GALNTL6: variants seen among roughly 807,000 people sequenced by gnomAD.
GALNTL6 encodes the protein polypeptide N-acetylgalactosaminyltransferase-like 6.
A neutral mutation model predicts 73.7 loss-of-function variants in GALNTL6; 46 were observed. That is an observed-to-expected ratio of 0.62 (90% confidence interval 0.49 to 0.80). GALNTL6 has a LOEUF of 0.80. GALNTL6 is among the 30% of genes least tolerant of loss of function. The pLI is 0.00. For synonymous variants in GALNTL6, 259 were observed against 263.7 expected (o/e 0.98, Z 0.17); for missense variants, 604 against 755.0 (o/e 0.80, Z 2.34).
chr4:172,647,387 T>C (rs1037019796), intron 5 of GALNTL6, among the ~76,000 whole-genome samples: 12 of 152,058 alleles, frequency 7.9e-5, no homozygotes, highest in African/African-American at 2.7e-4. Context: ...AAAGCAAAGA[T>C]CACTAAAATT....
chr4:172,917,458 G>T (rs192178646), intron 8 of GALNTL6, among the ~76,000 whole-genome samples: 5 of 152,110 alleles, frequency 3.3e-5, no homozygotes, highest in Admixed American at 2.0e-4. Flanking sequence ...AAAGTGAACA[G>T]GCAACATACA....
At chr4:171,886,400 CAGACA>C (rs1364552186) in intron 2 of GALNTL6, among the ~76,000 whole-genome samples, 1 of 152,058 alleles carries the variant, frequency 6.6e-6, no homozygotes. Flanking sequence ...AAACTTACTA[CAGACA>C]AAAGACTGAG....
chr4:172,277,720 T>C (rs1579325472), intron 3 of GALNTL6, among the ~76,000 whole-genome samples: 1 of 152,334 alleles, frequency 6.6e-6, no homozygotes, highest in East Asian at 1.9e-4. Flanking sequence ...ATATTTGGTT[T>C]GTTTCTTTGG....
intron 7 of GALNTL6, among the ~76,000 whole-genome samples, chr4:172,871,579 C>G (rs1305592255): frequency 7.1e-6 from 1 of 141,500 alleles, no homozygotes; most frequent in African/African-American, 2.6e-5. Flanking sequence ...GATCTATAGT[C>G]TCTGACTCTG....
intron 5 of GALNTL6, among the ~76,000 whole-genome samples, chr4:172,424,466 G>T (rs1731157742): frequency 6.6e-6 from 1 of 152,002 alleles, no homozygotes; most frequent in Non-Finnish European, 1.5e-5. Flanking sequence ...ATCATTAGAG[G>T]AAGTGTTTTA....
At chr4:172,157,941 T>G (rs1734335020) in intron 2 of GALNTL6, among the ~76,000 whole-genome samples, 1 of 152,198 alleles carries the variant, frequency 6.6e-6, no homozygotes, top group Non-Finnish European at 1.5e-5. Flanking sequence ...AGCATGATGT[T>G]TTGCTAGTAA....
intron 7 of GALNTL6, among the ~76,000 whole-genome samples, chr4:172,848,008 A>C (rs1419956030): frequency 2.0e-5 from 3 of 152,186 alleles, no homozygotes; most frequent in Non-Finnish European, 4.4e-5. Flanking sequence ...TACATCTAGA[A>C]GCTTTAATCA....
At chr4:172,024,857 T>C (rs12645373) in intron 2 of GALNTL6, among the ~76,000 whole-genome samples, 66,614 of 145,376 alleles carry the variant, frequency 0.46, 15,415 homozygotes, top group South Asian at 0.55. Flanking sequence ...TATTCCCTGC[T>C]TTCTTCCTTC....
At chr4:172,953,511 G>T (rs1421390044) in intron 10 of GALNTL6, among the ~76,000 whole-genome samples, 2 of 152,230 alleles carry the variant, frequency 1.3e-5, no homozygotes, top group East Asian at 1.9e-4. Context: ...CCTAGATAGT[G>T]TCTGTGGCTG....
intron 2 of GALNTL6, among the ~76,000 whole-genome samples, chr4:172,225,844 T>C (rs957712989): frequency 6.6e-6 from 1 of 151,994 alleles, no homozygotes; most frequent in Non-Finnish European, 1.5e-5. Context: ...ATGCTGCTGG[T>C]CTATGGGTAG....
At chr4:172,007,862 C>T (rs1740884649) in intron 2 of GALNTL6, among the ~76,000 whole-genome samples, 1 of 152,012 alleles carries the variant, frequency 6.6e-6, no homozygotes, top group Admixed American at 6.6e-5. Context: ...GAGATAGCAG[C>T]TTTTTAATAA....
intron 2 of GALNTL6, among the ~76,000 whole-genome samples, chr4:172,115,717 G>C (rs1197390617): frequency 6.6e-6 from 1 of 151,980 alleles, no homozygotes; most frequent in East Asian, 1.9e-4. Context: ...TGGCAGAAAA[G>C]ACAAATGGAT....
At chr4:172,075,247 ATAT>A (rs1343746923) in intron 2 of GALNTL6, among the ~76,000 whole-genome samples, 3 of 152,062 alleles carry the variant, frequency 2.0e-5, no homozygotes, top group Non-Finnish European at 4.4e-5. Context: ...TCCTTTTTAA[ATAT>A]TATAGGATTT....
At chr4:171,899,125 A>G (rs535546199) in intron 2 of GALNTL6, among the ~76,000 whole-genome samples, 50 of 44,078 alleles carry the variant, frequency 1.1e-3, no homozygotes, top group African/African-American at 6.0e-3. Context: ...TAATATCTAT[A>G]CAAATTAATT....
At chr4:172,840,430 C>A (rs982262045) in intron 7 of GALNTL6, among the ~76,000 whole-genome samples, 3 of 152,122 alleles carry the variant, frequency 2.0e-5, no homozygotes, top group African/African-American at 7.2e-5. Flanking sequence ...AACAGCAGTT[C>A]TCATATTAGG....
At chr4:172,953,705 CAA>C (rs778606431) in intron 10 of GALNTL6, among the ~76,000 whole-genome samples, 2 of 152,214 alleles carry the variant, frequency 1.3e-5, no homozygotes, top group Non-Finnish European at 2.9e-5. Flanking sequence ...AGGAAAGAGT[CAA>C]TCCTGCCACT....
In GALNTL6 at chr4:172,809,476, C is replaced by T. The variant is rs1741165186; in HGVS notation, c.669C>T (p.Ala223=). ...CCCGTCTCCTGGGGGCATCTATGGCCAGAGGAGAAGTCCTGACATTCCTGG... is the reference window on the plus strand; with the variant it reads ...CCCGTCTCCTGGGGGCATCTATGGCTAGAGGAGAAGTCCTGACATTCCTGG... ...IRTRLLGASM[A]RGEVLTFLDS... The change falls in exon 6 of 13, where the codon GCC becomes GCT. Residue 223 remains alanine, a synonymous_variant. Transcript: ENST00000506823. The surrounding 1 kb of genome is among the most constrained non-coding windows in gnomAD (Gnocchi z 4.4). 1.2e-6 allele frequency: 2 copies of T among 1,613,800 alleles called. No homozygotes were observed. Among genetic ancestry groups the T allele is most frequent in the African/African-American group, 1.3e-5 (1 of 74,998 alleles).
At chr4:172,308,622 G>A (rs1740243284) in intron 3 of GALNTL6, among the ~76,000 whole-genome samples, 3 of 151,984 alleles carry the variant, frequency 2.0e-5, no homozygotes, top group Admixed American at 1.3e-4. Context: ...TGTGTATGTG[G>A]TGTATCACAT....
chr4:172,841,817 A>G (rs1173395547), intron 7 of GALNTL6, among the ~76,000 whole-genome samples: 1 of 152,202 alleles, frequency 6.6e-6, no homozygotes, highest in Non-Finnish European at 1.5e-5. Flanking sequence ...ACAAAGCCTG[A>G]TCGTATCAAC....
Sources: gnomAD v4.1 joint callset for allele counts (sites outside exome capture counted in the v4.1 genomes callset) on GRCh38, gnomAD v4.1.1 for gene constraint, Gnocchi (gnomAD v3.1) non-coding constraint, MANE v1.5 for transcripts, NCBI Gene and HGNC (gene_info 2026-07-23, HGNC 2026-07-21) for gene names.